Variants in MUC3A observed in about 807,000 individuals in gnomAD.
MUC3A encodes the protein mucin-3A.
Under a neutral mutation model 109.0 loss-of-function variants are expected in MUC3A, and 109 were observed. That is an observed-to-expected ratio of 1.00 (90% confidence interval 0.86 to 1.17). The LOEUF (loss-of-function observed/expected upper bound fraction) is 1.17. Among genes scored for constraint, MUC3A ranks in the 50% most tolerant of loss-of-function variants. The probability of loss-of-function intolerance (pLI) is 0.00; values close to 1 mark genes in which losing one functional copy is unlikely to be tolerated. For synonymous variants in MUC3A, 1,398 were observed against 981.4 expected (o/e 1.42, Z -7.93); for missense variants, 3,537 against 2,469.4 (o/e 1.43, Z -9.16).
chr7:100,958,238 C>T lies in MUC3A; in HGVS notation c.6459C>T (p.Thr2153=). Residue 2153 remains threonine (T), a synonymous_variant, in exon 2 of 12, where the codon ACC becomes ACT. Transcript: ENST00000379458. ...NFTSSITTTE[T]TSHSTPSFTS... ...CTTCTTCAATCACCACCACCGAGAC[C>T]ACATCCCACAGTACTCCCAGCTTCA... is the stretch of plus-strand genomic sequence containing the variant. The T allele has an allele frequency of 6.4e-7, 1 of 1,563,802 alleles. No homozygotes were observed. Among genetic ancestry groups the T allele is most frequent in the Non-Finnish European group, 8.6e-7 (1 of 1,167,664 alleles).
Position 100,966,399 on chromosome 7 carries a change from G to A in MUC3A, c.9625G>A (p.Asp3209Asn). ...GATCTCCCGCAGCTGCTACTCCACCGACACGCACTGGTTCTCTGGCCCGCG... is the reference window on the plus strand; with the variant it reads ...GATCTCCCGCAGCTGCTACTCCACCAACACGCACTGGTTCTCTGGCCCGCG... The part of the protein sequence containing the change: ...SGPTCRCYST[D>N]THWFSGPRCE... The change falls in exon 9 of 12, where the codon GAC (aspartate) becomes AAC (asparagine). Residue 3209 changes from aspartate to asparagine, a missense_variant. Asp to Asn is a conservative substitution (Grantham distance 23). Coordinates refer to ENST00000379458, the MANE Select transcript of MUC3A (RefSeq NM_005960.2). 1.5e-6 allele frequency: 2 copies of A among 1,343,350 alleles called. No homozygotes were observed. The highest frequency in any genetic ancestry group is 1.9e-6 in the Non-Finnish European group (2 of 1,053,478). The allele number at this position is 1,343,350 out of a possible 1,614,324, so 83.2% of individuals were successfully genotyped here.
rs1792380301 is a variant in MUC3A at position 100,962,815 on chromosome 7, T to TCTC, written c.9053-336_9053-335insCTC. The stretch of plus-strand genomic sequence containing the variant: ...TCTTTCTTTCTCTCTCTCTCTCTCT[T>TCTC]TCTTTCTTTCTTTCTTTCTTTTTCT... On this transcript the variant is annotated intron_variant, in intron 3 of 11. Coordinates refer to ENST00000379458, the MANE Select transcript of MUC3A (RefSeq NM_005960.2). Among the ~76,000 whole-genome samples, 171 of 80,188 alleles carry TCTC rather than the reference T, an allele frequency of 2.1e-3. 2 individuals carry two copies. Among genetic ancestry groups the TCTC allele is most frequent in the Middle Eastern group, 8.2e-3 (1 of 122 alleles). 52.6% of individuals were successfully genotyped at this position (80,188 alleles called of 152,430 possible).
rs66606045 is a variant in MUC3A at position 100,958,608 on chromosome 7, A to G, written c.6829A>G (p.Ile2277Val). ...SHDTPSFTSSITTSETPSHST... is the reference protein window; with the variant it reads ...SHDTPSFTSSVTTSETPSHST... ...TGATACTCCCAGCTTCACTTCTTCA[A>G]TCACCACCAGTGAGACCCCCTCACA... is the stretch of plus-strand genomic sequence containing the variant. The change falls in exon 2 of 12, where the codon ATC (isoleucine) becomes GTC (valine). Residue 2277 changes from isoleucine (I) to valine (V), a missense_variant. Ile to Val is a conservative substitution (Grantham distance 29). Coordinates refer to ENST00000379458, the MANE Select transcript of MUC3A (RefSeq NM_005960.2). The G allele has an allele frequency of 1.3e-6, 2 of 1,482,384 alleles. No individual in the cohort carries two copies. Among genetic ancestry groups the G allele is most frequent in the Non-Finnish European group, 1.9e-6 (2 of 1,076,774 alleles). The allele number at this position is 1,482,384 out of a possible 1,614,324, so 91.8% of individuals were successfully genotyped here.
chr7:100,962,695 T>C (rs148311667), intron 3 of MUC3A, among the ~76,000 whole-genome samples: 68 of 151,198 alleles, frequency 4.5e-4, no homozygotes, highest in African/African-American at 7.7e-4. Context: ...TTTTTCTTTC[T>C]TTCTTTCTCT....
At position 100,966,517 on chromosome 7, in the gene MUC3A, G is replaced by C. The variant is rs1157815112; in HGVS notation, c.9743G>C (p.Arg3248Pro). ...CTGCTGCTGCTGGCGCTGGGCGTCC[G>C]GGCGGTGCGCTCCGGATGGTGGGGC... ...LVLLLLALGV[R>P]AVRSGWWGGQ... Residue 3248 changes from arginine (R) to proline (P), a missense_variant, in exon 9 of 12, where the codon CGG becomes CCG. Coordinates refer to ENST00000379458, the MANE Select transcript of MUC3A (RefSeq NM_005960.2). 2.4e-5 allele frequency: 31 copies of C among 1,311,376 alleles called. No homozygotes were observed. In the Admixed American group the frequency reaches 3.3e-4, roughly 14 times the overall value. 81.2% of individuals were successfully genotyped at this position (1,311,376 alleles called of 1,614,324 possible). A position where few individuals can be genotyped will look rare whatever the true frequency, so the allele number is the denominator to read the frequency against.
Position 100,963,735 on chromosome 7 carries a change from G to A in MUC3A, c.9216G>A (p.Val3072=), listed in dbSNP as rs1792421458. The A allele has an allele frequency of 6.3e-7, 1 of 1,598,452 alleles. No individual in the cohort carries two copies. Among genetic ancestry groups the A allele is most frequent in the African/African-American group, 1.3e-5 (1 of 74,964 alleles). Residue 3072 remains valine, a synonymous_variant, in exon 5 of 12, where the codon GTG becomes GTA. Coordinates refer to ENST00000379458, the MANE Select transcript of MUC3A (RefSeq NM_005960.2). ...ADMQGFTFKG[V]EILSLRNGSI... is the part of the protein sequence containing the mutation. The stretch of plus-strand genomic sequence containing the variant: ...TGCAGGGCTTCACCTTCAAGGGTGT[G>A]GAGATCCTGTCCCTGAGGTAGGAGA...
Position 100,959,161 on chromosome 7 carries a change from C to A in MUC3A, c.7382C>A (p.Ser2461Ter). 4.4e-6 allele frequency: 7 copies of A among 1,598,572 alleles called. No individual in the cohort carries two copies. Among genetic ancestry groups the A allele is most frequent in the Non-Finnish European group, 5.9e-6 (7 of 1,179,832 alleles). The change falls in exon 2 of 12, where the codon TCA becomes TAA. Residue 2461 changes from serine to a stop codon, truncating the protein, a stop_gained. Coordinates refer to ENST00000379458, the MANE Select transcript of MUC3A (RefSeq NM_005960.2). LOFTEE classifies it high-confidence loss of function. ...AGCACATCCACAACTGCCATCACCT[C>A]ACATTTTACTACCTCAGAGACTGCG... ...TVSTSTTAIT[S>*]HFTTSETAVT... is the part of the protein sequence containing the mutation.
Position 100,967,592 on chromosome 7 carries a change from CT to C in MUC3A, c.*432del. On this transcript the variant is annotated 3_prime_UTR_variant, in exon 12 of 12. Coordinates refer to ENST00000379458, the MANE Select transcript of MUC3A (RefSeq NM_005960.2). The stretch of plus-strand genomic sequence containing the variant: ...CTTCACCTGGTCTCTGGCCCTGGTT[CT>C]TATTTTCTCTCAATTCCCTACTGCC... The C allele has an allele frequency of 2.8e-6, 1 of 352,118 alleles. No homozygotes were observed. Among genetic ancestry groups the C allele is most frequent in the Non-Finnish European group, 5.2e-6 (1 of 192,810 alleles). 21.8% of individuals were successfully genotyped at this position (352,118 alleles called of 1,614,324 possible). A position where few individuals can be genotyped will look rare whatever the true frequency, so the allele number is the denominator to read the frequency against.
chr7:100,955,528 C>G lies in MUC3A; in HGVS notation c.3749C>G (p.Ser1250Cys), dbSNP rs1415086788. The G allele has an allele frequency of 2.9e-5, 15 of 521,790 alleles. No individual in the cohort carries two copies. In the East Asian group the frequency reaches 4.7e-4, roughly 16 times the overall value. The allele number at this position is 521,790 out of a possible 1,614,324, so 32.3% of individuals were successfully genotyped here. ...AGCATCCAGAATACAGAAACCTCAT[C>G]CCTTGTCAGCATGACCTCTGCCACC... is the stretch of plus-strand genomic sequence containing the variant. The part of the protein sequence containing the change: ...SPSIQNTETS[S>C]LVSMTSATTP... Residue 1250 changes from serine to cysteine, a missense_variant, in exon 2 of 12, where the codon TCC becomes TGC. Transcript: ENST00000379458.
At position 100,958,641 on chromosome 7, in the gene MUC3A, C is replaced by T. The variant is rs1792176161; in HGVS notation, c.6862C>T (p.Pro2288Ser). 7.9e-7 allele frequency: 1 copy of T among 1,262,788 alleles called. No individual in the cohort carries two copies. The highest frequency in any genetic ancestry group is 3.5e-5 in the Admixed American group (1 of 28,736). 78.2% of individuals were successfully genotyped at this position (1,262,788 alleles called of 1,614,324 possible). ...TTSETPSHST[P>S]SSTSLITTTK... The stretch of plus-strand genomic sequence containing the variant: ...CAGTGAGACCCCCTCACACAGTACT[C>T]CCAGCTCCACTTCTTTAATCACCAC... The change falls in exon 2 of 12, where the codon CCC (proline) becomes TCC (serine). Residue 2288 changes from proline to serine, a missense_variant. Coordinates refer to ENST00000379458, the MANE Select transcript of MUC3A (RefSeq NM_005960.2).
chr7:100,967,119 A>C lies in MUC3A; in HGVS notation c.9931-2A>C. 1 of 1,598,552 alleles carries C rather than the reference A, an allele frequency of 6.3e-7. No individual in the cohort carries two copies. The highest frequency in any genetic ancestry group is 8.5e-7 in the Non-Finnish European group (1 of 1,179,826). On this transcript the variant is annotated splice_acceptor_variant, in intron 11 of 11. Coordinates refer to ENST00000379458, the MANE Select transcript of MUC3A (RefSeq NM_005960.2). LOFTEE classifies it high-confidence loss of function. The stretch of plus-strand genomic sequence containing the variant: ...TCCCGTCCCTCACTGTGACTCTGAC[A>C]GGTGCACATCAAGAGACCCGAGATG...
At position 100,967,114 on chromosome 7, in the gene MUC3A, C is replaced by CT; in HGVS notation, c.9931-6dup. 6.3e-7 allele frequency: 1 copy of CT among 1,598,548 alleles called. No individual in the cohort carries two copies. Among genetic ancestry groups the CT allele is most frequent in the Non-Finnish European group, 8.5e-7 (1 of 1,179,824 alleles). ...CGCGTTCCCGTCCCTCACTGTGACTCTGACAGGTGCACATCAAGAGACCCG... is the reference window on the plus strand; with the variant it reads ...CGCGTTCCCGTCCCTCACTGTGACTCTTGACAGGTGCACATCAAGAGACCCG... On this transcript the variant is annotated splice_polypyrimidine_tract_variant and splice_region_variant and intron_variant, in intron 11 of 11. Coordinates refer to ENST00000379458, the MANE Select transcript of MUC3A (RefSeq NM_005960.2).
At chr7:100,962,558 A>T (rs1216992966) in intron 3 of MUC3A, among the ~76,000 whole-genome samples, 3 of 152,308 alleles carry the variant, frequency 2.0e-5, no homozygotes, top group Non-Finnish European at 4.4e-5. Context: ...GCCAGGAGGG[A>T]CCACAGGCTG....
At position 100,959,950 on chromosome 7, in the gene MUC3A, C is replaced by T. The variant is rs774914006; in HGVS notation, c.8171C>T (p.Ser2724Phe). 6 of 1,509,870 alleles carry T rather than the reference C, an allele frequency of 4.0e-6. No individual in the cohort carries two copies. In the African/African-American group the frequency reaches 7.0e-5, roughly 17 times the overall value. The allele number at this position is 1,509,870 out of a possible 1,614,324, so 93.5% of individuals were successfully genotyped here. Residue 2724 changes from serine (S) to phenylalanine (F), a missense_variant, in exon 2 of 12, where the codon TCC becomes TTC. By Grantham distance (155) the Ser-to-Phe change is radical. Coordinates refer to ENST00000379458, the MANE Select transcript of MUC3A (RefSeq NM_005960.2). ...ATTTTCAGTACAGAAAATGTGGGCT[C>T]CGCTTCTATCACAGGCTTTCCTAGT... ...PYIFSTENVGSASITGFPSLS... is the reference protein window; with the variant it reads ...PYIFSTENVGFASITGFPSLS...
Position 100,959,429 on chromosome 7 carries a change from T to A in MUC3A, c.7650T>A (p.Thr2550=). ...LVGTTSPTMS[T]VRMTLRITEN... is the part of the protein sequence containing the mutation. ...GCACCACCTCTCCCACCATGTCCAC[T>A]GTGAGAATGACCCTCAGAATTACTG... The change falls in exon 2 of 12, where the codon ACT becomes ACA. Residue 2550 remains threonine, a synonymous_variant. Transcript: ENST00000379458. The A allele has an allele frequency of 1.3e-6, 2 of 1,542,132 alleles. No individual in the cohort carries two copies. Among genetic ancestry groups the A allele is most frequent in the Non-Finnish European group, 1.7e-6 (2 of 1,156,180 alleles).
Position 100,959,802 on chromosome 7 carries a change from A to G in MUC3A, c.8023A>G (p.Thr2675Ala). Residue 2675 changes from threonine to alanine, a missense_variant, in exon 2 of 12, where the codon ACT becomes GCT. Physicochemically the swap from Thr to Ala is moderately conservative, Grantham distance 58. Transcript: ENST00000379458. ...RGSTSTNAILTSFSTIIWSST... is the reference protein window; with the variant it reads ...RGSTSTNAILASFSTIIWSST... ...AAGTACGTCTACAAATGCAATCTTG[A>G]CTTCTTTTAGTACCATCATCTGGTC... The G allele has an allele frequency of 1.3e-6, 2 of 1,592,678 alleles. No individual in the cohort carries two copies. Among genetic ancestry groups the G allele is most frequent in the Non-Finnish European group, 1.7e-6 (2 of 1,176,858 alleles).
In MUC3A at chr7:100,951,898, C is replaced by A; in HGVS notation, c.119C>A (p.Ala40Asp). 3.1e-6 allele frequency: 5 copies of A among 1,598,322 alleles called. No individual in the cohort carries two copies. Among genetic ancestry groups the A allele is most frequent in the Non-Finnish European group, 2.5e-6 (3 of 1,179,476 alleles). The change falls in exon 2 of 12, where the codon GCC (alanine) becomes GAC (aspartate). Residue 40 changes from alanine (A) to aspartate (D), a missense_variant. Physicochemically the swap from Ala to Asp is moderately radical, Grantham distance 126. Transcript: ENST00000379458. ...SQVPFPRAEA[A>D]SAVLSNSPHS... ...GTGCCTTTCCCCAGAGCAGAAGCAGCCAGCGCTGTGCTCAGCAATTCTCCA... is the reference window on the plus strand; with the variant it reads ...GTGCCTTTCCCCAGAGCAGAAGCAGACAGCGCTGTGCTCAGCAATTCTCCA...
In MUC3A at chr7:100,960,341, T is replaced by C. The variant is rs1383716944; in HGVS notation, c.8562T>C (p.Thr2854=). 2 of 1,598,430 alleles carry C rather than the reference T, an allele frequency of 1.3e-6. No homozygotes were observed. The highest frequency in any genetic ancestry group is 1.7e-6 in the Non-Finnish European group (2 of 1,179,836). The change falls in exon 2 of 12, where the codon ACT becomes ACC. Residue 2854 remains threonine, a synonymous_variant. Transcript: ENST00000379458. Reference sequence around the variant, plus strand: ...CTTCCAGTTCCACTGGCACTGGGACTGTACCCACAAACACAGTTTTCACAA... The same window carrying C: ...CTTCCAGTTCCACTGGCACTGGGACCGTACCCACAAACACAGTTTTCACAA... ...PNASSSTGTG[T]VPTNTVFTST...
intron 8 of MUC3A, 167 bp downstream of exon 8, chr7:100,966,033 C>A: frequency 1.2e-6 from 1 of 803,980 alleles, no homozygotes; most frequent in Non-Finnish European, 1.6e-6. Flanking sequence ...GGAGCCCTGC[C>A]CTGGAGCTCT....
Sources: gnomAD v4.1 joint callset for allele counts (sites outside exome capture counted in the v4.1 genomes callset) on GRCh38, gnomAD v4.1.1 for gene constraint, MANE v1.5 for transcripts, NCBI Gene and HGNC (gene_info 2026-07-23, HGNC 2026-07-21) for gene names.